The following ACSM3 variants were observed in gnomAD, a reference collection of about 807,000 sequenced individuals.
The protein encoded by ACSM3 is acyl-coenzyme A synthetase ACSM3, mitochondrial.
Under a neutral mutation model 74.1 loss-of-function variants are expected in ACSM3, and 61 were observed. That is an observed-to-expected ratio of 0.82 (90% CI 0.67 to 1.02). The LOEUF (loss-of-function observed/expected upper bound fraction) is 1.02. Among genes scored for constraint, ACSM3 ranks in the 50% least tolerant of loss-of-function variants. The pLI, the probability that ACSM3 is intolerant of heterozygous loss-of-function variation, is 0.00. For synonymous variants in ACSM3, 213 were observed against 241.5 expected (o/e 0.88, Z 1.09); for missense variants, 660 against 697.0 (o/e 0.95, Z 0.60).
chr16:20,764,903 G>T (rs774206749), intron 1 of ACSM3, among the ~76,000 whole-genome samples: 1 of 152,190 alleles, frequency 6.6e-6, no homozygotes, highest in Non-Finnish European at 1.5e-5. Context: ...CCTTTAGGTG[G>T]TCAAGGGCAG....
chr16:20,695,334 G>A (rs897542280), intron 1 of ACSM3, among the ~76,000 whole-genome samples: 13 of 152,214 alleles, frequency 8.5e-5, no homozygotes, highest in Admixed American at 5.9e-4. Context: ...ATAAATGCAC[G>A]ATATCCTGCA....
At chr16:20,750,407 A>C (rs1435400269) in intron 2 of ACSM3, among the ~76,000 whole-genome samples, 1 of 152,190 alleles carries the variant, frequency 6.6e-6, no homozygotes, top group East Asian at 1.9e-4. Flanking sequence ...GAAGTGATAC[A>C]TGCTACTTCT....
chr16:20,738,399 C>A, intron 1 of ACSM3: 1 of 320,228 alleles, frequency 3.1e-6, no homozygotes. Flanking sequence ...AATCTCAGAC[C>A]CAAGAGGAAT....
intron 1 of ACSM3, among the ~76,000 whole-genome samples, chr16:20,744,883 T>C (rs761154541): frequency 3.9e-5 from 6 of 152,262 alleles, no homozygotes; most frequent in Non-Finnish European, 8.8e-5. Flanking sequence ...CCTTGTGCAA[T>C]TTAATTCTGT....
chr16:20,729,307 T>C, intron 1 of ACSM3: 2 of 1,453,572 alleles, frequency 1.4e-6, no homozygotes, highest in Non-Finnish European at 1.9e-6. Flanking sequence ...TGGACAGTGA[T>C]GGGTATTTCT....
chr16:20,738,679 A>G, intron 1 of ACSM3: 1 of 554,564 alleles, frequency 1.8e-6, no homozygotes, highest in Non-Finnish European at 3.2e-6. Flanking sequence ...TTATATACGA[A>G]GGAAGCAGCA....
chr16:20,779,845 C>G, intron 4 of ACSM3: 1 of 192,436 alleles, frequency 5.2e-6, no homozygotes, highest in South Asian at 6.7e-5. Context: ...GATCTTGGCT[C>G]ACTGCAACCT....
chr16:20,755,720 G>A (rs1217110226), intron 3 of ACSM3: 1 of 149,500 alleles, frequency 6.7e-6, no homozygotes, highest in South Asian at 2.1e-4. Context: ...GTGCCATGCT[G>A]GTGTGTTGCA....
At chr16:20,718,353 C>A in intron 1 of ACSM3, 1 of 924,442 alleles carries the variant, frequency 1.1e-6, no homozygotes, top group Non-Finnish European at 1.5e-6. Flanking sequence ...TTTGCAGATC[C>A]GCCTCTGAAG....
At chr16:20,770,865 A>G (rs2080184648) in intron 2 of ACSM3, among the ~76,000 whole-genome samples, 1 of 152,188 alleles carries the variant, frequency 6.6e-6, no homozygotes, top group Non-Finnish European at 1.5e-5. Context: ...CATCCCAAAC[A>G]TGCATCATTT....
chr16:20,709,705 G>T (rs930950490), intron 1 of ACSM3, among the ~76,000 whole-genome samples: 1 of 152,134 alleles, frequency 6.6e-6, no homozygotes, highest in Admixed American at 6.5e-5. Flanking sequence ...ACTTTCTCAA[G>T]AAGGGATGAT....
Position 20,790,810 on chromosome 16 carries a change from C to A in ACSM3, c.1326+122C>A, listed in dbSNP as rs776916588. 6.2e-7 allele frequency: 1 copy of A among 1,613,614 alleles called. No individual in the cohort carries two copies. Among genetic ancestry groups the A allele is most frequent in the East Asian group, 2.2e-5 (1 of 44,878 alleles). On this transcript the variant is annotated intron_variant, in intron 10 of 13. Coordinates refer to ENST00000289416, the MANE Select transcript of ACSM3 (RefSeq NM_005622.4). The surrounding 1 kb of genome is among the most constrained non-coding windows in gnomAD (Gnocchi z 4.0). Reference sequence around the variant, plus strand: ...GACCCTTTCTTGAGAGATTGGTTGTCCTGAATAGTAATCCAAAAGACAAGA... The same window carrying A: ...GACCCTTTCTTGAGAGATTGGTTGTACTGAATAGTAATCCAAAAGACAAGA...
At chr16:20,741,803 G>T in intron 1 of ACSM3, 1 of 1,543,918 alleles carries the variant, frequency 6.5e-7, no homozygotes, top group South Asian at 1.2e-5. Flanking sequence ...CTCGTCTATC[G>T]CCGGCGCGAA....
At chr16:20,682,179 C>A (rs1198011509) in intron 1 of ACSM3, 1 of 1,428,070 alleles carries the variant, frequency 7.0e-7, no homozygotes, top group Non-Finnish European at 9.8e-7. Context: ...CTCCTCAACC[C>A]CACTGGTCTC....
intron 1 of ACSM3, among the ~76,000 whole-genome samples, chr16:20,690,345 T>A (rs1454888354): frequency 6.6e-6 from 1 of 152,212 alleles, no homozygotes. Context: ...CTACTGCTTC[T>A]CTCTTGGTCT....
chr16:20,683,081 T>C (rs1038864443), intron 1 of ACSM3, among the ~76,000 whole-genome samples: 7 of 152,008 alleles, frequency 4.6e-5, no homozygotes, highest in African/African-American at 1.4e-4. Flanking sequence ...TCCATAAACA[T>C]TGACTTTTTT....
chr16:20,746,584 C>T (rs890586640), intron 1 of ACSM3, among the ~76,000 whole-genome samples: 3 of 152,216 alleles, frequency 2.0e-5, no homozygotes, highest in African/African-American at 7.2e-5. Context: ...GACATCCCAC[C>T]TTTCACTAGC....
intron 2 of ACSM3, among the ~76,000 whole-genome samples, chr16:20,753,245 C>T (rs893884748): frequency 1.3e-5 from 2 of 151,758 alleles, no homozygotes; most frequent in African/African-American, 4.8e-5. Context: ...GGGCAGATCA[C>T]CTGAGATCAG....
intron 4 of ACSM3, 128 bp downstream of exon 4, chr16:20,777,708 T>C (rs1275168262): frequency 3.7e-6 from 3 of 807,052 alleles, no homozygotes; most frequent in Non-Finnish European, 5.8e-6. Context: ...TTGGTAGTTA[T>C]TGCTGCACTA....
Sources: allele counts gnomAD v4.1 joint callset (sites outside exome capture counted in the v4.1 genomes callset), GRCh38; gene constraint gnomAD v4.1.1; non-coding constraint Gnocchi (gnomAD v3.1); transcripts MANE v1.5; gene names NCBI Gene and HGNC (gene_info 2026-07-23, HGNC 2026-07-21).